Variants in BAZ1A observed in about 807,000 individuals in gnomAD.
BAZ1A encodes bromodomain adjacent to zinc finger domain 1A.
In BAZ1A, 50 loss-of-function variants were observed where a neutral mutation model predicts 185.2. The ratio of observed to expected loss-of-function variants is 0.27; its 90% confidence interval spans 0.22 to 0.34. BAZ1A has a LOEUF of 0.34. BAZ1A is among the 10% of genes least tolerant of loss of function. The pLI is 1.00. For synonymous variants in BAZ1A, 571 were observed against 615.6 expected (o/e 0.93, Z 1.07); for missense variants, 1,356 against 1,839.9 (o/e 0.74, Z 4.81).
rs1424969662 is a variant in BAZ1A at position 34,764,861 on chromosome 14, G to C, written c.3622C>G (p.Gln1208Glu). Residue 1208 changes from glutamine to glutamate, a missense_variant, in exon 23 of 27, where the codon CAG becomes GAG. Physicochemically the swap from Gln to Glu is conservative, Grantham distance 29 (BLOSUM62 2). Transcript: ENST00000360310. Reference protein sequence around the residue: ...KQRSRRLSSRQRPSLESDEDV... With the variant: ...KQRSRRLSSRERPSLESDEDV... ...TCATCACTTTCCAAGGATGGTCTCT[G>C]TCTAGAGGAGAGTCTTCTAGAACGT... 6.2e-7 allele frequency: 1 copy of C among 1,614,052 alleles called. No individual in the cohort carries two copies. The highest frequency in any genetic ancestry group is 1.3e-5 in the African/African-American group (1 of 74,982).
intron 3 of BAZ1A, among the ~76,000 whole-genome samples, chr14:34,826,447 A>G (rs989531096): frequency 6.6e-6 from 1 of 152,142 alleles, no homozygotes; most frequent in Admixed American, 6.5e-5. Context: ...CTTAGGTTGT[A>G]AAGTTAGGTT....
rs1421788148 is a variant in BAZ1A at position 34,780,197 on chromosome 14, C to T, written c.2225G>A (p.Arg742Lys). 4 of 1,613,084 alleles carry T rather than the reference C, an allele frequency of 2.5e-6. No homozygotes were observed. Among genetic ancestry groups the T allele is most frequent in the Non-Finnish European group, 3.4e-6 (4 of 1,179,690 alleles). The change falls in exon 17 of 27, where the codon AGA becomes AAA. Residue 742 changes from arginine (R) to lysine (K), a missense_variant. Around this residue, in one of 7 missense-constraint regions of BAZ1A, gnomAD observed 434 missense variants for 561.7 expected, o/e 0.77. Transcript: ENST00000360310. ...AATTTCAGTATTACCCCTTCTGCCT[C>T]TTTTATGTGATCCTGGGTCATCTTC... ...EDEDDPGSHK[R>K]GRRGKRGQNG...
chr14:34,756,785 T>C (rs78907669), intron 25 of BAZ1A, among the ~76,000 whole-genome samples: 317 of 152,032 alleles, frequency 2.1e-3, no homozygotes, highest in African/African-American at 7.2e-3. Flanking sequence ...TTTATATCAG[T>C]GTTTCTCAAA....
chr14:34,825,173 G>A (rs1004318103), intron 4 of BAZ1A, among the ~76,000 whole-genome samples: 1 of 152,170 alleles, frequency 6.6e-6, no homozygotes, highest in Non-Finnish European at 1.5e-5. Context: ...AAAAGTAGGG[G>A]CCAGATGTGG....
intron 4 of BAZ1A, among the ~76,000 whole-genome samples, chr14:34,824,785 C>G (rs1307901933): frequency 6.6e-6 from 1 of 152,146 alleles, no homozygotes; most frequent in African/African-American, 2.4e-5. Flanking sequence ...TAAGAGTGAT[C>G]TCAGGTTTCT....
rs1386749171 is a variant in BAZ1A, at chr14:34,874,573, C to A, written c.32G>T (p.Arg11Ile). 1.2e-6 allele frequency: 2 copies of A among 1,611,094 alleles called. No homozygotes were observed. Among genetic ancestry groups the A allele is most frequent in the African/African-American group, 2.7e-5 (2 of 74,406 alleles). The stretch of plus-strand genomic sequence containing the variant: ...CCGCAGGTCCGCGGGCGGCTTCTGT[C>A]TCACAAACGGCTTTCGGTGTAGCAG... MPLLHRKPFV[R>I]QKPPADLRPD... is the part of the protein sequence containing the mutation. Residue 11 changes from arginine to isoleucine, a missense_variant, in exon 2 of 27, where the codon AGA (arginine) becomes ATA (isoleucine). Arg to Ile is a moderately conservative substitution (Grantham distance 97, BLOSUM62 -3). This residue lies in a region of BAZ1A where 332 missense variants were observed against 395.3 expected (regional missense o/e 0.84). Transcript: ENST00000360310. The surrounding 1 kb of genome is among the most constrained non-coding windows in gnomAD (Gnocchi z 4.7).
At chr14:34,780,099 A>G (rs1384594104) in intron 17 of BAZ1A, 87 bp downstream of exon 17, 5 of 1,523,694 alleles carry the variant, frequency 3.3e-6, no homozygotes, top group Non-Finnish European at 4.5e-6. Context: ...AAAGCAATCA[A>G]TATATTTCAG....
At chr14:34,772,633 G>A (rs556975958) in intron 20 of BAZ1A, among the ~76,000 whole-genome samples, 1 of 152,326 alleles carries the variant, frequency 6.6e-6, no homozygotes, top group African/African-American at 2.4e-5. Flanking sequence ...CTTATTTAGA[G>A]ATGAGGTCTC....
chr14:34,755,164 ATTC>A (rs1220157576), intron 25 of BAZ1A, among the ~76,000 whole-genome samples: 1 of 152,198 alleles, frequency 6.6e-6, no homozygotes, highest in African/African-American at 2.4e-5. Flanking sequence ...AAGAAAAAAA[ATTC>A]TTCAATGAGC....
chr14:34,874,616 C>G lies in BAZ1A; in HGVS notation c.-12G>C, dbSNP rs752101845. The G allele has an allele frequency of 1.2e-6, 2 of 1,602,600 alleles. No individual in the cohort carries two copies. The highest frequency in any genetic ancestry group is 1.7e-6 in the Non-Finnish European group (2 of 1,174,160). On this transcript the variant is annotated 5_prime_UTR_variant, in exon 2 of 27. Coordinates refer to ENST00000360310, the MANE Select transcript of BAZ1A (RefSeq NM_013448.3). This position sits in a 1 kb window ranked among gnomAD's most constrained non-coding sequence, Gnocchi z 4.7. Reference sequence around the variant, plus strand: ...TGTAGCAGCGGCATCTCCCGTCCGCCCGCGGGCTCGCCTGGACCCTCGGCC... The same window carrying G: ...TGTAGCAGCGGCATCTCCCGTCCGCGCGCGGGCTCGCCTGGACCCTCGGCC...
chr14:34,853,468 G>A (rs2138795440), intron 3 of BAZ1A, among the ~76,000 whole-genome samples: 1 of 152,234 alleles, frequency 6.6e-6, no homozygotes, highest in Middle Eastern at 3.4e-3. Context: ...AAGCACCTAA[G>A]CTATACTTGT....
At chr14:34,835,899 G>A (rs899968221) in intron 3 of BAZ1A, among the ~76,000 whole-genome samples, 2 of 151,640 alleles carry the variant, frequency 1.3e-5, no homozygotes, top group African/African-American at 2.4e-5. Context: ...TTGAACTCCC[G>A]ACCTCAGGTG....
At position 34,795,720 on chromosome 14, in the gene BAZ1A, A is replaced by T. The variant is rs763504443; in HGVS notation, c.1174T>A (p.Leu392Ile). 1 of 1,613,362 alleles carries T rather than the reference A, an allele frequency of 6.2e-7. No individual in the cohort carries two copies. Among genetic ancestry groups the T allele is most frequent in the South Asian group, 1.1e-5 (1 of 90,930 alleles). The change falls in exon 10 of 27, where the codon TTA (leucine) becomes ATA (isoleucine). Residue 392 changes from leucine to isoleucine, a missense_variant. Coordinates refer to ENST00000360310, the MANE Select transcript of BAZ1A (RefSeq NM_013448.3). ...TCTCTAGGTTTACTCCACTGTTTTA[A>T]GTATTCCACATACTTTCGCTTTTCT... The part of the protein sequence containing the change: ...REEKRKYVEY[L>I]KQWSKPREDM...
Position 34,776,355 on chromosome 14 carries a change from A to G in BAZ1A, c.2397T>C (p.Cys799=), listed in dbSNP as rs748135476. ...LLEKIQSAIA[C]TNIFPLGRDR... The stretch of plus-strand genomic sequence containing the variant: ...CGCGACCCAAGGGAAAGATATTGGT[A>G]CAGGCTATGGCACTTTGGATTTTTT... The change falls in exon 18 of 27, where the codon TGT becomes TGC. Residue 799 remains cysteine (C), a synonymous_variant. Coordinates refer to ENST00000360310, the MANE Select transcript of BAZ1A (RefSeq NM_013448.3). The G allele has an allele frequency of 3.7e-6, 6 of 1,614,080 alleles. No homozygotes were observed. In the African/African-American group the frequency reaches 8.0e-5, roughly 22 times the overall value.
At chr14:34,850,628 G>A (rs980155034) in intron 3 of BAZ1A, among the ~76,000 whole-genome samples, 7 of 152,098 alleles carry the variant, frequency 4.6e-5, no homozygotes, top group South Asian at 2.1e-4. Context: ...TAGTCTGTAC[G>A]CTAGCTAAAT....
In BAZ1A at chr14:34,811,046, A is replaced by C; in HGVS notation, c.537-10T>G. ...TGCATCTTTTTTCTTCCTAAAAAGAAGAGGGAAAAGACACAAATCAGTTAA... is the reference window on the plus strand; with the variant it reads ...TGCATCTTTTTTCTTCCTAAAAAGACGAGGGAAAAGACACAAATCAGTTAA... On this transcript the variant is annotated splice_polypyrimidine_tract_variant and intron_variant, in intron 4 of 26. Transcript: ENST00000360310. The C allele has an allele frequency of 6.6e-7, 1 of 1,507,630 alleles. No homozygotes were observed. The highest frequency in any genetic ancestry group is 9.1e-7 in the Non-Finnish European group (1 of 1,094,838). 93.4% of individuals were successfully genotyped at this position (1,507,630 alleles called of 1,614,324 possible). A position where few individuals can be genotyped will look rare whatever the true frequency, so the allele number is the denominator to read the frequency against.
chr14:34,825,260 C>T (rs533536188), intron 4 of BAZ1A, among the ~76,000 whole-genome samples: 1 of 151,940 alleles, frequency 6.6e-6, no homozygotes, highest in African/African-American at 2.4e-5. Context: ...TCGAGACCAG[C>T]GTGACCAACA....
intron 5 of BAZ1A, among the ~76,000 whole-genome samples, chr14:34,808,975 T>C (rs577197222): frequency 2.0e-5 from 3 of 152,296 alleles, no homozygotes; most frequent in African/African-American, 7.2e-5. Context: ...TCAAAAGTAT[T>C]TGGAGAAAAT....
intron 12 of BAZ1A, 135 bp downstream of exon 12, chr14:34,792,640 A>G: frequency 3.9e-6 from 4 of 1,023,274 alleles, no homozygotes; most frequent in Non-Finnish European, 5.7e-6. Context: ...TTGTTAGCAT[A>G]TGATTCAACA....
Sources: gnomAD v4.1 joint callset for allele counts (sites outside exome capture counted in the v4.1 genomes callset) on GRCh38, gnomAD v4.1.1 for gene constraint, gnomAD v4.1.1 regional missense constraint, Gnocchi (gnomAD v3.1) non-coding constraint, MANE v1.5 for transcripts, NCBI Gene and HGNC (gene_info 2026-07-23, HGNC 2026-07-21) for gene names.